Variants in RIMS1 observed in about 807,000 individuals in gnomAD.
RIMS1 encodes the protein regulating synaptic membrane exocytosis 1.
In RIMS1, 83 loss-of-function variants were observed where a neutral mutation model predicts 214.1. That is an observed-to-expected ratio of 0.39 (90% confidence interval 0.32 to 0.47). The LOEUF (loss-of-function observed/expected upper bound fraction) is 0.47, where lower values mean the gene tolerates loss of function less well. Among genes scored for constraint, RIMS1 ranks in the 20% least tolerant of loss-of-function variants. The pLI is 0.99. For synonymous variants in RIMS1, 793 were observed against 786.8 expected, an observed-to-expected ratio of 1.01 and a Z score of -0.13; for missense variants, 2,050 against 2,161.8, an observed-to-expected ratio of 0.95 and a Z score of 1.03.
intron 6 of RIMS1, among the ~76,000 whole-genome samples, chr6:72,186,010 C>T (rs1357919553): frequency 6.6e-6 from 1 of 152,162 alleles, no homozygotes; most frequent in Admixed American, 6.5e-5. Context: ...CTTTTCTTTT[C>T]TATTGCTTAC....
At chr6:72,389,523 C>A (rs180986485) in intron 29 of RIMS1, among the ~76,000 whole-genome samples, 30 of 152,148 alleles carry the variant, frequency 2.0e-4, no homozygotes, top group African/African-American at 7.0e-4. Flanking sequence ...GGAAAAAATG[C>A]AGTGTTTCAA....
intron 2 of RIMS1, among the ~76,000 whole-genome samples, chr6:72,015,783 G>A (rs908874073): frequency 9.9e-5 from 15 of 152,000 alleles, no homozygotes; most frequent in African/African-American, 2.7e-4. Flanking sequence ...AAAATTAGCC[G>A]GGCATGATGG....
intron 31 of RIMS1, 123 bp downstream of exon 31, chr6:72,392,933 C>T (rs569337720): frequency 8.8e-6 from 6 of 681,442 alleles, no homozygotes; most frequent in Non-Finnish European, 1.5e-5. Context: ...TACAGAGTTA[C>T]TGTTTGCAAA....
intron 1 of RIMS1, among the ~76,000 whole-genome samples, chr6:71,940,336 G>T (rs1168918643): frequency 2.6e-5 from 4 of 152,136 alleles, no homozygotes; most frequent in Admixed American, 6.5e-5. Flanking sequence ...TAAACACAGG[G>T]TTCACACATG....
intron 1 of RIMS1, among the ~76,000 whole-genome samples, chr6:71,943,832 C>T (rs1786955817): frequency 6.6e-6 from 1 of 152,056 alleles, no homozygotes; most frequent in African/African-American, 2.4e-5. Context: ...GAGTGGAAGC[C>T]CTCACATGTA....
intron 6 of RIMS1, among the ~76,000 whole-genome samples, chr6:72,202,629 G>T (rs1173054426): frequency 6.6e-6 from 1 of 152,210 alleles, no homozygotes; most frequent in African/African-American, 2.4e-5. Flanking sequence ...TAGGAGGAAA[G>T]AGACCAAGTC....
chr6:72,004,709 A>G (rs1204170271), intron 2 of RIMS1, among the ~76,000 whole-genome samples: 10 of 151,400 alleles, frequency 6.6e-5, no homozygotes, highest in African/African-American at 2.2e-4. Flanking sequence ...CCACTTTTTG[A>G]TGGGGTTGTT....
chr6:72,200,858 TGTGTGTGTGTG>T (rs2051852144), intron 6 of RIMS1, among the ~76,000 whole-genome samples: 1 of 1,010 alleles, frequency 9.9e-4, no homozygotes, highest in South Asian at 0.033. Context: ...AGGACACAAT[TGTGTGTGTGTG>T]TGTGTGTGTG....
chr6:72,319,894 A>C (rs902840532), intron 28 of RIMS1, among the ~76,000 whole-genome samples: 3 of 152,160 alleles, frequency 2.0e-5, no homozygotes, highest in Non-Finnish European at 4.4e-5. Context: ...GTTTGAGAAT[A>C]AAATGAAATA....
rs181165265 is a variant in RIMS1, at chr6:72,325,221, A to G, written c.4131-8379A>G. 4.1e-3 allele frequency among the ~76,000 whole-genome samples: 629 copies of G among 151,944 alleles called. 5 individuals are homozygous for G. The highest frequency in any genetic ancestry group is 0.014 in the African/African-American group (573 of 41,508). ...ATTACAAGATAGAAAAAATAGGACA[A>G]AATCTCTCATTAAAATAGAGAGACC... On this transcript the variant is annotated intron_variant, in intron 28 of 33. Coordinates refer to ENST00000521978, the MANE Select transcript of RIMS1 (RefSeq NM_014989.7).
At chr6:72,394,949 A>G (rs2098756241) in intron 31 of RIMS1, among the ~76,000 whole-genome samples, 1 of 152,084 alleles carries the variant, frequency 6.6e-6, no homozygotes, top group African/African-American at 2.4e-5. Flanking sequence ...CCAAGAGATT[A>G]TTAAACAAAA....
intron 4 of RIMS1, among the ~76,000 whole-genome samples, chr6:72,109,565 A>T (rs2153818059): frequency 6.6e-6 from 1 of 150,538 alleles, no homozygotes; most frequent in African/African-American, 2.4e-5. Context: ...TTTTTCTTGT[A>T]AATTTGTTTG....
chr6:71,928,304 T>C (rs963213977), intron 1 of RIMS1, among the ~76,000 whole-genome samples: 5 of 152,192 alleles, frequency 3.3e-5, no homozygotes, highest in African/African-American at 1.2e-4. Flanking sequence ...ATTCAGAATG[T>C]GTAGAATGAC....
intron 4 of RIMS1, among the ~76,000 whole-genome samples, chr6:72,149,815 C>G (rs536548364): frequency 6.6e-6 from 1 of 152,316 alleles, no homozygotes; most frequent in African/African-American, 2.4e-5. Context: ...TGGCCCTAGG[C>G]CTGCTGCAGG....
intron 6 of RIMS1, among the ~76,000 whole-genome samples, chr6:72,197,101 C>A (rs2069414141): frequency 1.3e-5 from 2 of 152,068 alleles, no homozygotes; most frequent in South Asian, 4.1e-4. Flanking sequence ...GGTGCCTCCC[C>A]ACTGTGGAAC....
At chr6:72,245,568 A>C (rs2154121556) in intron 10 of RIMS1, among the ~76,000 whole-genome samples, 1 of 152,264 alleles carries the variant, frequency 6.6e-6, no homozygotes, top group East Asian at 1.9e-4. Context: ...TTTTAACCAC[A>C]ATATTAGTCT....
intron 2 of RIMS1, among the ~76,000 whole-genome samples, chr6:72,069,945 G>T (rs961533598): frequency 3.3e-5 from 5 of 152,162 alleles, no homozygotes; most frequent in African/African-American, 1.2e-4. Flanking sequence ...TATATGAATT[G>T]TTGCTCCCAG....
intron 1 of RIMS1, among the ~76,000 whole-genome samples, chr6:71,897,438 C>A (rs963650496): frequency 6.6e-6 from 1 of 152,060 alleles, no homozygotes. Flanking sequence ...TTCTTTGGTC[C>A]GTGAATACAT....
At position 72,168,430 on chromosome 6, in the gene RIMS1, G is replaced by A. The variant is rs376328129; in HGVS notation, c.472-11145G>A. On this transcript the variant is annotated intron_variant, in intron 4 of 33. Transcript: ENST00000521978. ...TGAAGTTTGGACTGGGGTTTTATATGTTGGCATACTTCTAAGGTCTTGTGT... is the reference window on the plus strand; with the variant it reads ...TGAAGTTTGGACTGGGGTTTTATATATTGGCATACTTCTAAGGTCTTGTGT... 1.8e-3 allele frequency among the ~76,000 whole-genome samples: 271 copies of A among 152,318 alleles called. 1 individual carries two copies. Among genetic ancestry groups the A allele is most frequent in the African/African-American group, 6.3e-3 (263 of 41,576 alleles).
Sources: allele counts gnomAD v4.1 joint callset (sites outside exome capture counted in the v4.1 genomes callset), GRCh38; gene constraint gnomAD v4.1.1; transcripts MANE v1.5; gene names NCBI Gene and HGNC (gene_info 2026-07-23, HGNC 2026-07-21).